The following ANKRD12 variants were observed in gnomAD, a reference collection of about 807,000 sequenced individuals.
ANKRD12 encodes ankyrin repeat domain 12.
Under a neutral mutation model 183.4 loss-of-function variants are expected in ANKRD12, and 85 were observed. The ratio of observed to expected loss-of-function variants is 0.46; its 90% CI spans 0.39 to 0.56. The LOEUF (loss-of-function observed/expected upper bound fraction) is 0.56, where lower values mean the gene tolerates loss of function less well. Ranked by LOEUF, ANKRD12 falls within the 20% of genes least tolerant of loss-of-function variation. The probability of loss-of-function intolerance (pLI) is 0.00; values close to 1 mark genes in which losing one functional copy is unlikely to be tolerated. For missense variants in ANKRD12, 2,405 were observed against 2,357.1 expected (o/e 1.02, Z -0.42); for synonymous variants, 914 against 800.2 (o/e 1.14, Z -2.40).
At chr18:9,275,978 C>T (rs1258719802) in intron 11 of ANKRD12, among the ~76,000 whole-genome samples, 1 of 152,218 alleles carries the variant, frequency 6.6e-6, no homozygotes, top group Admixed American at 6.5e-5. Flanking sequence ...GACCTTCAGG[C>T]AGCTAGAAAG....
Position 9,256,089 on chromosome 18 carries a change from G to T in ANKRD12, c.2822G>T (p.Ser941Ile), listed in dbSNP as rs1442730401. ...MEKKNKQSDN[S>I]EYSKSEKGKN... ...AAAAAAAATAAACAATCAGATAATA[G>T]TGAATACAGTAAATCAGAAAAAGGC... is the stretch of plus-strand genomic sequence containing the variant. The change falls in exon 9 of 13, where the codon AGT (serine) becomes ATT (isoleucine). Residue 941 changes from serine (S) to isoleucine (I), a missense_variant. By Grantham distance (142) the Ser-to-Ile change is moderately radical. This residue lies in a region of ANKRD12 where 1,983 missense variants were observed against 1,725.9 expected (regional missense o/e 1.15). Transcript: ENST00000262126. 2 of 1,563,082 alleles carry T rather than the reference G, an allele frequency of 1.3e-6. No homozygotes were observed. Among genetic ancestry groups the T allele is most frequent in the Non-Finnish European group, 1.7e-6 (2 of 1,161,750 alleles).
intron 1 of ANKRD12, among the ~76,000 whole-genome samples, chr18:9,138,034 T>C (rs1029071899): frequency 6.6e-6 from 1 of 152,204 alleles, no homozygotes; most frequent in Non-Finnish European, 1.5e-5. Flanking sequence ...AACTGCGAAC[T>C]AAGGTGAAGT....
chr18:9,266,848 C>T (rs1204961911), intron 10 of ANKRD12, among the ~76,000 whole-genome samples: 1 of 152,148 alleles, frequency 6.6e-6, no homozygotes, highest in Admixed American at 6.5e-5. Context: ...CAAGACCCAT[C>T]AGTGTGCTGT....
chr18:9,249,050 G>T (rs1049781392), intron 8 of ANKRD12, among the ~76,000 whole-genome samples: 1 of 152,264 alleles, frequency 6.6e-6, no homozygotes, highest in African/African-American at 2.4e-5. Flanking sequence ...TCTTAATACA[G>T]TTCTAAAACT....
In ANKRD12 at chr18:9,284,103, T is replaced by C. The variant is rs755135959; in HGVS notation, c.*2977T>C. ...AAATATGTACATAAGTTTAAAAATA[T>C]TTTATTGCTAAAAATGGTAACAAAG... On this transcript the variant is annotated 3_prime_UTR_variant, in exon 13 of 13. Coordinates refer to ENST00000262126, the MANE Select transcript of ANKRD12 (RefSeq NM_015208.5). 4.6e-5 allele frequency: 7 copies of C among 152,228 alleles called. No homozygotes were observed. Among genetic ancestry groups the C allele is most frequent in the Non-Finnish European group, 1.0e-4 (7 of 68,048 alleles). The allele number at this position is 152,228 out of a possible 1,614,324, so 9.4% of individuals were successfully genotyped here.
chr18:9,225,609 TTCG>T (rs1289590646), intron 8 of ANKRD12, among the ~76,000 whole-genome samples: 10 of 152,350 alleles, frequency 6.6e-5, no homozygotes, highest in African/African-American at 2.4e-4. Context: ...CATCAATGTT[TTCG>T]TCATCACCAG....
intron 1 of ANKRD12, among the ~76,000 whole-genome samples, chr18:9,142,586 A>G (rs2078356125): frequency 6.6e-6 from 1 of 152,194 alleles, no homozygotes; most frequent in Non-Finnish European, 1.5e-5. Flanking sequence ...CAGCTTTAAT[A>G]ATTAGTAGTA....
At chr18:9,186,367 A>T (rs7236118) in intron 2 of ANKRD12, among the ~76,000 whole-genome samples, 1 of 152,192 alleles carries the variant, frequency 6.6e-6, no homozygotes, top group African/African-American at 2.4e-5. Flanking sequence ...ACATTCCTCT[A>T]GTTAACAAAT....
intron 8 of ANKRD12, among the ~76,000 whole-genome samples, chr18:9,235,305 A>T (rs182882099): frequency 2.6e-5 from 4 of 152,328 alleles, no homozygotes; most frequent in Admixed American, 2.0e-4. Context: ...CCTGGGCAAC[A>T]TAGAAAGATC....
chr18:9,258,417 A>C lies in ANKRD12; in HGVS notation c.5150A>C (p.Glu1717Ala). Residue 1717 changes from glutamate (E) to alanine (A), a missense_variant, in exon 9 of 13, where the codon GAA becomes GCA. Physicochemically the swap from Glu to Ala is moderately radical, Grantham distance 107. Around this residue, in one of 7 missense-constraint regions of ANKRD12, gnomAD observed 1,983 missense variants for 1,725.9 expected, o/e 1.15. Transcript: ENST00000262126. ...AAATATGGTCAGTTAGTTAAAGTAG[A>C]ATTAGAAGAAAATGCCGAAGATGAT... ...MHKYGQLVKV[E>A]LEENAEDDKT... The C allele has an allele frequency of 1.2e-6, 2 of 1,613,834 alleles. No individual in the cohort carries two copies. The highest frequency in any genetic ancestry group is 1.7e-6 in the Non-Finnish European group (2 of 1,179,934).
intron 2 of ANKRD12, among the ~76,000 whole-genome samples, chr18:9,195,317 A>G (rs1362063687): frequency 6.6e-6 from 1 of 152,186 alleles, no homozygotes. Context: ...CTGCACAGGT[A>G]CCCCTGAACG....
At chr18:9,169,084 A>T (rs2032403447) in intron 1 of ANKRD12, among the ~76,000 whole-genome samples, 1 of 151,938 alleles carries the variant, frequency 6.6e-6, no homozygotes, top group African/African-American at 2.4e-5. Flanking sequence ...GGTCTGAGAG[A>T]CAGTTTGTTA....
At position 9,255,623 on chromosome 18, in the gene ANKRD12, A is replaced by C; in HGVS notation, c.2356A>C (p.Thr786Pro). ...ACCCACAGATAAAGACTCAGAATTT[A>C]CTTCTTTGGGTATGAGTGCCATTGA... ...NIPTDKDSEF[T>P]SLGMSAIEES... Residue 786 changes from threonine to proline, a missense_variant, in exon 9 of 13, where the codon ACT becomes CCT. Physicochemically the swap from Thr to Pro is conservative, Grantham distance 38. Transcript: ENST00000262126. 7 of 1,571,318 alleles carry C rather than the reference A, an allele frequency of 4.5e-6. No homozygotes were observed. The highest frequency in any genetic ancestry group is 5.1e-6 in the Non-Finnish European group (6 of 1,168,790).
chr18:9,190,242 G>A lies in ANKRD12; in HGVS notation c.88-5309G>A, dbSNP rs146745896. Among the ~76,000 whole-genome samples the A allele has an allele frequency of 2.8e-4, 42 of 152,292 alleles. No individual in the cohort carries two copies. The East Asian group carries it at 8.1e-3, about 29-fold the overall frequency. ...AGAATCAAGTGGAGCCTGAAGATGT[G>A]ACTGAATTGCTGAAATCTCATGATC... On this transcript the variant is annotated intron_variant, in intron 2 of 12. Transcript: ENST00000262126.
intron 1 of ANKRD12, among the ~76,000 whole-genome samples, chr18:9,157,555 G>GTATGTGTGTGTGTGTA (rs199894678): frequency 0.012 from 1,033 of 83,962 alleles, 33 homozygotes; most frequent in African/African-American, 0.043. Context: ...GTGTGGGTGT[G>GTATGTGTGTGTGTGTA]TGTGTGTGTG....
chr18:9,205,234 G>A (rs1053182150), intron 4 of ANKRD12, among the ~76,000 whole-genome samples: 3 of 145,898 alleles, frequency 2.1e-5, no homozygotes, highest in African/African-American at 7.8e-5. Context: ...GTGTTCTCTA[G>A]TATGTGACAG....
intron 2 of ANKRD12, among the ~76,000 whole-genome samples, chr18:9,192,762 A>G (rs1327008164): frequency 1.3e-5 from 2 of 150,678 alleles, no homozygotes; most frequent in East Asian, 3.9e-4. Context: ...CCTGGAATGC[A>G]GTGGCATGAT....
chr18:9,258,009 C>G lies in ANKRD12; in HGVS notation c.4742C>G (p.Thr1581Ser). The G allele has an allele frequency of 6.2e-7, 1 of 1,613,770 alleles. No individual in the cohort carries two copies. ...EASPNFEKAY[T>S]LPVLPSEKDF... is the part of the protein sequence containing the mutation. ...TCACCAAACTTTGAGAAAGCTTATA[C>G]TTTACCTGTGTTACCATCAGAAAAG... The change falls in exon 9 of 13, where the codon ACT becomes AGT. Residue 1581 changes from threonine to serine, a missense_variant. Physicochemically the swap from Thr to Ser is moderately conservative, Grantham distance 58. Transcript: ENST00000262126.
At chr18:9,252,657 C>T (rs571640613) in intron 8 of ANKRD12, among the ~76,000 whole-genome samples, 2 of 152,264 alleles carry the variant, frequency 1.3e-5, no homozygotes, top group East Asian at 3.9e-4. Flanking sequence ...ATGTTTAACT[C>T]CCTTAAGATA....
Sources: allele counts gnomAD v4.1 joint callset (sites outside exome capture counted in the v4.1 genomes callset), GRCh38; gene constraint gnomAD v4.1.1; regional missense constraint gnomAD v4.1.1; transcripts MANE v1.5; gene names NCBI Gene and HGNC (gene_info 2026-07-23, HGNC 2026-07-21).